Variants in PXMP2 observed in about 807,000 individuals in gnomAD.
PXMP2 encodes the protein peroxisomal membrane protein 2, also known as 22 kDa peroxisomal membrane protein.
In PXMP2, 13 loss-of-function variants were observed where a neutral mutation model predicts 20.2. The observed-to-expected ratio is 0.64, with a 90% CI of 0.42 to 1.02. The LOEUF (loss-of-function observed/expected upper bound fraction) is 1.02. Ranked by LOEUF, PXMP2 falls within the 50% of genes least tolerant of loss-of-function variation. The probability of loss-of-function intolerance (pLI) is 0.00; values close to 1 mark genes in which losing one functional copy is unlikely to be tolerated. For missense variants in PXMP2, 284 were observed against 251.8 expected (o/e 1.13, Z -0.87); for synonymous variants, 113 against 111.2 (o/e 1.02, Z -0.10).
chr12:132,697,297 T>G (rs1018406380), intron 3 of PXMP2, among the ~76,000 whole-genome samples: 1 of 151,392 alleles, frequency 6.6e-6, no homozygotes, highest in Non-Finnish European at 1.5e-5. Context: ...AAGACAAAAA[T>G]AAATAAATAA....
At chr12:132,698,772 G>A (rs879445335) in intron 3 of PXMP2, among the ~76,000 whole-genome samples, 7 of 151,886 alleles carry the variant, frequency 4.6e-5, no homozygotes, top group Admixed American at 2.0e-4. Flanking sequence ...GACAACAGGC[G>A]CCCACCACCA....
chr12:132,697,293 A>AAAAT (rs139853460), intron 3 of PXMP2, among the ~76,000 whole-genome samples: 66,425 of 150,948 alleles, frequency 0.44, 16,477 homozygotes, highest in Non-Finnish European at 0.56. Context: ...TCAAAAGACA[A>AAAAT]AAATAAATAA....
At chr12:132,688,174 A>T (rs2043326675) in intron 1 of PXMP2, 1 of 176,300 alleles carries the variant, frequency 5.7e-6, no homozygotes, top group African/African-American at 2.6e-5. Context: ...GGGTGAAGAC[A>T]GGGCGAGGGG....
chr12:132,693,056 G>T (rs868057362), intron 2 of PXMP2, among the ~76,000 whole-genome samples: 39 of 39,936 alleles, frequency 9.8e-4, no homozygotes, highest in African/African-American at 3.2e-3. Context: ...GATAGTGAGC[G>T]CCCTTAGCCA....
In PXMP2 at chr12:132,704,639, C is replaced by T. The variant is rs1195387323; in HGVS notation, c.540C>T (p.Asn180=). 6.8e-7 allele frequency: 1 copy of T among 1,467,072 alleles called. No homozygotes were observed. Among genetic ancestry groups the T allele is most frequent in the Non-Finnish European group, 9.1e-7 (1 of 1,103,226 alleles). The allele number at this position is 1,467,072 out of a possible 1,614,324, so 90.9% of individuals were successfully genotyped here. A position where few individuals can be genotyped will look rare whatever the true frequency, so the allele number is the denominator to read the frequency against. Residue 180 remains asparagine (N), a synonymous_variant, in exon 5 of 5, where the codon AAC becomes AAT. Coordinates refer to ENST00000317479, the MANE Select transcript of PXMP2 (RefSeq NM_018663.3). ...GGCAGTTCCGGGTGCTCTTCGCCAA[C>T]CTGGCAGCTCTGTTCTGGTATGCCT... is the stretch of plus-strand genomic sequence containing the variant. ...VPLKFRVLFA[N]LAALFWYAYL...
At chr12:132,690,412 C>A in intron 2 of PXMP2, 36 bp downstream of exon 2, 1 of 1,513,678 alleles carries the variant, frequency 6.6e-7, no homozygotes, top group Non-Finnish European at 9.2e-7. Context: ...TACCTTGTAG[C>A]CGCTGAGTGC....
chr12:132,689,854 T>C (rs995680663), intron 1 of PXMP2, among the ~76,000 whole-genome samples: 8 of 152,210 alleles, frequency 5.3e-5, no homozygotes, highest in African/African-American at 1.7e-4. Flanking sequence ...CCTATTCGGA[T>C]TTCTCCATTT....
chr12:132,692,711 C>CTCCCTT (rs2043378277), intron 2 of PXMP2, among the ~76,000 whole-genome samples: 1 of 138,522 alleles, frequency 7.2e-6, no homozygotes, highest in African/African-American at 2.8e-5. Context: ...AGTTAGTGAG[C>CTCCCTT]ACCCTTGCCA....
chr12:132,703,490 C>T (rs2043454168), intron 4 of PXMP2, among the ~76,000 whole-genome samples: 1 of 152,126 alleles, frequency 6.6e-6, no homozygotes, highest in African/African-American at 2.4e-5. Flanking sequence ...CACAGTGGTG[C>T]TTGGACAGAG....
Position 132,692,531 on chromosome 12 carries a change from T to C in PXMP2, c.236+2155T>C, listed in dbSNP as rs576726890. ...GTTAGTGAGCTCCCTTGCCAGTTAGTTAGTGAGCGCCCTTGCCAGTTAGTT... is the reference window on the plus strand; with the variant it reads ...GTTAGTGAGCTCCCTTGCCAGTTAGCTAGTGAGCGCCCTTGCCAGTTAGTT... On this transcript the variant is annotated intron_variant, in intron 2 of 4. Transcript: ENST00000317479. Among the ~76,000 whole-genome samples, 2 of 115,070 alleles carry C rather than the reference T, an allele frequency of 1.7e-5. 1 individual carries two copies. Among genetic ancestry groups the C allele is most frequent in the Non-Finnish European group, 3.7e-5 (2 of 53,570 alleles). 75.5% of individuals were successfully genotyped at this position (115,070 alleles called of 152,430 possible). A position where few individuals can be genotyped will look rare whatever the true frequency, so the allele number is the denominator to read the frequency against.
At position 132,687,669 on chromosome 12, in the gene PXMP2, C is replaced by T. The variant is rs1227964493; in HGVS notation, c.-2C>T. Reference sequence around the variant, plus strand: ...CCCCGGCGGCACGGCGCTGGGGAGGCGATGGCGCCGGCCGCGTCCAGGCTG... The same window carrying T: ...CCCCGGCGGCACGGCGCTGGGGAGGTGATGGCGCCGGCCGCGTCCAGGCTG... On this transcript the variant is annotated 5_prime_UTR_variant, in exon 1 of 5. Coordinates refer to ENST00000317479, the MANE Select transcript of PXMP2 (RefSeq NM_018663.3). 2 of 1,169,746 alleles carry T rather than the reference C, an allele frequency of 1.7e-6. No homozygotes were observed. The highest frequency in any genetic ancestry group is 4.1e-5 in the East Asian group (1 of 24,254). The allele number at this position is 1,169,746 out of a possible 1,614,324, so 72.5% of individuals were successfully genotyped here.
chr12:132,694,942 CAGTT>C (rs1161789178), intron 2 of PXMP2, among the ~76,000 whole-genome samples: 2 of 72,576 alleles, frequency 2.8e-5, no homozygotes, highest in Non-Finnish European at 8.4e-5. Context: ...CTCCCTTAGC[CAGTT>C]AGTTAGTGAG....
intron 2 of PXMP2, 148 bp downstream of exon 2, chr12:132,690,524 G>T: frequency 1.6e-6 from 1 of 633,782 alleles, no homozygotes; most frequent in Non-Finnish European, 2.7e-6. Context: ...AAACTCGAAT[G>T]GTTCATATAG....
At chr12:132,703,232 A>C (rs949922609) in intron 4 of PXMP2, among the ~76,000 whole-genome samples, 1 of 152,222 alleles carries the variant, frequency 6.6e-6, no homozygotes, top group African/African-American at 2.4e-5. Flanking sequence ...CAGGAGTTTG[A>C]GACCAGTCTG....
rs1159906982 is a variant in PXMP2, at chr12:132,696,519, C to T, written c.399+473C>T. On this transcript the variant is annotated intron_variant, in intron 3 of 4. Transcript: ENST00000317479. This position sits in a 1 kb window ranked among gnomAD's most constrained non-coding sequence, Gnocchi z 4.4. The stretch of plus-strand genomic sequence containing the variant: ...TCACTGTGTAAAGAAAGAAACAGGC[C>T]GGGCACAGTGGCTCACACCTGTAAT... Among the ~76,000 whole-genome samples the T allele has an allele frequency of 1.3e-5, 2 of 152,122 alleles. No homozygotes were observed. The highest frequency in any genetic ancestry group is 1.3e-4 in the Admixed American group (2 of 15,262).
intron 1 of PXMP2, 72 bp downstream of exon 1, chr12:132,687,864 G>A: frequency 2.7e-6 from 3 of 1,096,634 alleles, no homozygotes; most frequent in South Asian, 8.7e-5. Context: ...GCCTGGACGG[G>A]AGCGCCGGGC....
rs1371841891 is a variant in PXMP2 at position 132,696,344 on chromosome 12, C to T, written c.399+298C>T. On this transcript the variant is annotated intron_variant, in intron 3 of 4. Coordinates refer to ENST00000317479, the MANE Select transcript of PXMP2 (RefSeq NM_018663.3). This position sits in a 1 kb window ranked among gnomAD's most constrained non-coding sequence, Gnocchi z 4.4. The stretch of plus-strand genomic sequence containing the variant: ...CTCAAACTCCTGGGTTCAAGCGATC[C>T]TCTTGCCTCAGCCTCCCAAGTAGCT... Among the ~76,000 whole-genome samples, 2 of 152,170 alleles carry T rather than the reference C, an allele frequency of 1.3e-5. No homozygotes were observed. Among genetic ancestry groups the T allele is most frequent in the African/African-American group, 4.8e-5 (2 of 41,446 alleles).
intron 2 of PXMP2, among the ~76,000 whole-genome samples, chr12:132,691,899 AAC>A (rs1308116230): frequency 1.3e-5 from 2 of 152,228 alleles, no homozygotes; most frequent in Admixed American, 1.3e-4. Context: ...TTCTCTCCCA[AAC>A]ACACAGGGGA....
chr12:132,700,216 A>T (rs527310051), intron 3 of PXMP2, among the ~76,000 whole-genome samples: 6 of 141,874 alleles, frequency 4.2e-5, no homozygotes, highest in African/African-American at 1.0e-4. Flanking sequence ...TAATTTTTGT[A>T]TTTTTTTTTT....
Sources: allele counts gnomAD v4.1 joint callset (sites outside exome capture counted in the v4.1 genomes callset), GRCh38; gene constraint gnomAD v4.1.1; non-coding constraint Gnocchi (gnomAD v3.1); transcripts MANE v1.5; gene names NCBI Gene and HGNC (gene_info 2026-07-23, HGNC 2026-07-21).